The following RUNDC3B variants were observed in gnomAD, a reference collection of about 807,000 sequenced individuals.
RUNDC3B encodes the protein RUN domain containing 3B, also known as RUN domain-containing protein 3B.
Under a neutral mutation model 58.4 loss-of-function variants are expected in RUNDC3B, and 33 were observed. The ratio of observed to expected loss-of-function variants is 0.56; its 90% CI spans 0.43 to 0.75. The LOEUF (loss-of-function observed/expected upper bound fraction) is 0.75. Among genes scored for constraint, RUNDC3B ranks in the 30% least tolerant of loss-of-function variants. The pLI is 0.00. For missense variants in RUNDC3B, 501 were observed against 535.7 expected, an observed-to-expected ratio of 0.94 and a Z score of 0.64; for synonymous variants, 193 against 195.2, an observed-to-expected ratio of 0.99 and a Z score of 0.10.
At chr7:87,655,635 A>G (rs1824022792) in intron 2 of RUNDC3B, among the ~76,000 whole-genome samples, 1 of 152,154 alleles carries the variant, frequency 6.6e-6, no homozygotes, top group Non-Finnish European at 1.5e-5. Context: ...AGTTCAAGAG[A>G]TCTATTGTAC....
chr7:87,758,611 G>T (rs1699743233), intron 6 of RUNDC3B, among the ~76,000 whole-genome samples: 1 of 152,002 alleles, frequency 6.6e-6, no homozygotes, highest in Non-Finnish European at 1.5e-5. Context: ...TATGTAAAGA[G>T]TTCAAACAAC....
chr7:87,715,271 T>TAAA (rs1330087718), intron 4 of RUNDC3B, among the ~76,000 whole-genome samples: 2 of 131,832 alleles, frequency 1.5e-5, no homozygotes, highest in African/African-American at 5.8e-5. Flanking sequence ...AATTAATTTA[T>TAAA]AATAATTATA....
At chr7:87,783,587 G>T (rs564119517) in intron 8 of RUNDC3B, among the ~76,000 whole-genome samples, 1 of 152,078 alleles carries the variant, frequency 6.6e-6, no homozygotes, top group African/African-American at 2.4e-5. Flanking sequence ...TTTTAGTCTC[G>T]ATAGGGTCTG....
In RUNDC3B at chr7:87,830,193, T is replaced by A. The variant is rs1264420847; in HGVS notation, c.*163T>A. The A allele has an allele frequency of 5.0e-6, 2 of 396,634 alleles. No homozygotes were observed. The highest frequency in any genetic ancestry group is 8.9e-6 in the Non-Finnish European group (2 of 225,180). The allele number at this position is 396,634 out of a possible 1,614,324, so 24.6% of individuals were successfully genotyped here. On this transcript the variant is annotated 3_prime_UTR_variant, in exon 11 of 11. Coordinates refer to ENST00000394654, the MANE Select transcript of RUNDC3B (RefSeq NM_001134405.2). ...GATAAGAGATTTTGAGTGAAAAACA[T>A]AATGATCCTGCCATTTTTCATTTTT...
At chr7:87,760,891 G>A (rs1487692642) in intron 6 of RUNDC3B, among the ~76,000 whole-genome samples, 6 of 151,842 alleles carry the variant, frequency 4.0e-5, no homozygotes, top group East Asian at 1.9e-4. Context: ...GGAAACATAG[G>A]TGTAAATTTT....
chr7:87,654,392 TAATAG>T (rs532917578), intron 2 of RUNDC3B, among the ~76,000 whole-genome samples: 62 of 152,056 alleles, frequency 4.1e-4, no homozygotes, highest in Non-Finnish European at 7.1e-4. Context: ...ACAAATAAAC[TAATAG>T]AATAGAATAG....
intron 6 of RUNDC3B, among the ~76,000 whole-genome samples, chr7:87,769,347 G>T (rs1369531391): frequency 6.6e-6 from 1 of 151,958 alleles, no homozygotes; most frequent in African/African-American, 2.4e-5. Flanking sequence ...TGAACATCTG[G>T]GGTTTGGCTA....
intron 8 of RUNDC3B, among the ~76,000 whole-genome samples, chr7:87,781,679 G>A (rs1178149537): frequency 6.6e-6 from 1 of 151,832 alleles, no homozygotes; most frequent in Non-Finnish European, 1.5e-5. Flanking sequence ...GTTTTTTGAG[G>A]GTTTTTATCA....
intron 4 of RUNDC3B, among the ~76,000 whole-genome samples, chr7:87,727,259 C>T (rs1428211791): frequency 1.3e-5 from 2 of 152,170 alleles, no homozygotes; most frequent in African/African-American, 2.4e-5. Context: ...TGAGTTACGT[C>T]CCATCAATAC....
intron 2 of RUNDC3B, among the ~76,000 whole-genome samples, chr7:87,659,814 A>G (rs1240953949): frequency 6.6e-6 from 1 of 152,182 alleles, no homozygotes; most frequent in Non-Finnish European, 1.5e-5. Flanking sequence ...TAAAATAGCC[A>G]GAGTTTTTAG....
At chr7:87,703,419 A>C (rs1829265459) in intron 3 of RUNDC3B, among the ~76,000 whole-genome samples, 1 of 152,174 alleles carries the variant, frequency 6.6e-6, no homozygotes, top group Non-Finnish European at 1.5e-5. Flanking sequence ...TTAGCTCCTT[A>C]ATATGAAAGT....
chr7:87,710,866 C>T (rs141750585), intron 4 of RUNDC3B, among the ~76,000 whole-genome samples: 15 of 152,226 alleles, frequency 9.9e-5, no homozygotes, highest in African/African-American at 1.9e-4. Context: ...ATACACATTA[C>T]GCCTGGAATA....
chr7:87,634,453 C>T (rs1223501002), intron 1 of RUNDC3B, among the ~76,000 whole-genome samples: 1 of 132,854 alleles, frequency 7.5e-6, no homozygotes, highest in Non-Finnish European at 1.5e-5. Context: ...GAAACCCCGT[C>T]TCTACTAAAA....
At chr7:87,800,191 A>C (rs1179611278) in intron 8 of RUNDC3B, among the ~76,000 whole-genome samples, 1 of 152,212 alleles carries the variant, frequency 6.6e-6, no homozygotes, top group East Asian at 1.9e-4. Flanking sequence ...TAACCACATC[A>C]TGAGCATTGG....
At chr7:87,675,892 G>T (rs1390266429) in intron 2 of RUNDC3B, among the ~76,000 whole-genome samples, 1 of 152,064 alleles carries the variant, frequency 6.6e-6, no homozygotes, top group South Asian at 2.1e-4. Flanking sequence ...AGGCAACAAA[G>T]AAAAGATAAA....
chr7:87,648,457 T>C (rs1253825958), intron 1 of RUNDC3B, among the ~76,000 whole-genome samples: 13 of 151,938 alleles, frequency 8.6e-5, no homozygotes. Flanking sequence ...TTCTCAGAGG[T>C]ATTTCACAGC....
intron 6 of RUNDC3B, among the ~76,000 whole-genome samples, chr7:87,766,035 C>T (rs1833959089): frequency 6.6e-6 from 1 of 152,116 alleles, no homozygotes; most frequent in South Asian, 2.1e-4. Context: ...AACCCTTTAT[C>T]ATTATATAAT....
At chr7:87,753,414 A>T (rs1283279824) in intron 6 of RUNDC3B, among the ~76,000 whole-genome samples, 3 of 151,998 alleles carry the variant, frequency 2.0e-5, no homozygotes, top group African/African-American at 7.3e-5. Context: ...GCTGAGTTCA[A>T]TTCCTGGGTA....
chr7:87,628,974 G>A (rs752975313), intron 1 of RUNDC3B, 29 bp downstream of exon 1: 47 of 1,305,942 alleles, frequency 3.6e-5, no homozygotes, highest in Admixed American at 6.2e-5. Flanking sequence ...AGGGGAACCA[G>A]CCTCCCGCCG....
Sources: allele counts gnomAD v4.1 joint callset (sites outside exome capture counted in the v4.1 genomes callset), GRCh38; gene constraint gnomAD v4.1.1; transcripts MANE v1.5; gene names NCBI Gene and HGNC (gene_info 2026-07-23, HGNC 2026-07-21).